KLHL35: variants seen among roughly 807,000 people sequenced by gnomAD.
KLHL35 encodes kelch like family member 35.
Under a neutral mutation model 44.0 loss-of-function variants are expected in KLHL35, and 50 were observed. The ratio of observed to expected loss-of-function variants is 1.14; its 90% confidence interval spans 0.91 to 1.44. KLHL35 has a LOEUF of 1.44. KLHL35 is among the 40% of genes most tolerant of loss of function. The pLI is 0.00. For synonymous variants in KLHL35, 470 were observed against 410.4 expected (o/e 1.15, Z -1.76); for missense variants, 1,049 against 887.8 (o/e 1.18, Z -2.31).
intron 6 of KLHL35, chr11:75,423,450 T>TG (rs1948466754): frequency 4.0e-6 from 2 of 504,820 alleles, no homozygotes; most frequent in African/African-American, 1.9e-5. Flanking sequence ...CTATAGCACT[T>TG]GGGACTGCAG....
intron 4 of KLHL35, chr11:75,426,191 G>A (rs941089301): frequency 1.2e-5 from 2 of 164,048 alleles, no homozygotes; most frequent in Non-Finnish European, 1.4e-5. Context: ...TCCTGACCTC[G>A]TGATCCGCCC....
chr11:75,431,004 G>A (rs958578974), intron 1 of KLHL35, among the ~76,000 whole-genome samples: 3 of 152,192 alleles, frequency 2.0e-5, no homozygotes, highest in African/African-American at 7.2e-5. Context: ...TGTGTCCCAG[G>A]ATACTAACAG....
At position 75,430,355 on chromosome 11, in the gene KLHL35, G is replaced by A. The variant is rs941709164; in HGVS notation, c.275C>T (p.Pro92Leu). The A allele has an allele frequency of 4.5e-6, 6 of 1,322,726 alleles. No homozygotes were observed. In the African/African-American group the frequency reaches 7.8e-5, roughly 17 times the overall value. 81.9% of individuals were successfully genotyped at this position (1,322,726 alleles called of 1,614,324 possible). ...CGCCGCCCCGGCCGGGCTCGTGCCT[G>A]GCGCCTCGGGAGCTACTGGCACCAC... ...VPVVPVAPEA[P>L]GTSPAGAAAA... Residue 92 changes from proline to leucine, a missense_variant, in exon 2 of 7, where the codon CCA becomes CTA. Transcript: ENST00000539798.
intron 1 of KLHL35, 114 bp from the exon 2 acceptor site, chr11:75,430,744 C>T: frequency 6.4e-6 from 6 of 939,624 alleles, no homozygotes; most frequent in African/African-American, 1.7e-5. Flanking sequence ...GCGACTCTCC[C>T]CTCCGTTCAG....
intron 6 of KLHL35, chr11:75,423,293 C>T (rs1179225518): frequency 5.0e-6 from 1 of 199,588 alleles, no homozygotes; most frequent in East Asian, 1.2e-4. Context: ...GCCAGAGCTT[C>T]CAGGACTTGG....
Position 75,422,458 on chromosome 11 carries a change from T to C in KLHL35, c.*122A>G, listed in dbSNP as rs1948455810. 2.4e-6 allele frequency: 2 copies of C among 850,944 alleles called. No homozygotes were observed. 52.7% of individuals were successfully genotyped at this position (850,944 alleles called of 1,614,324 possible). A position where few individuals can be genotyped will look rare whatever the true frequency, so the allele number is the denominator to read the frequency against. ...AACACAGACCCAACAAGATTTTATT[T>C]ATACAAGAAAAGGGACCATTAAGTT... is the stretch of plus-strand genomic sequence containing the variant. On this transcript the variant is annotated 3_prime_UTR_variant, in exon 7 of 7. Transcript: ENST00000539798.
intron 5 of KLHL35, among the ~76,000 whole-genome samples, chr11:75,425,127 A>G (rs968584940): frequency 1.3e-5 from 2 of 152,108 alleles, no homozygotes; most frequent in East Asian, 3.9e-4. Flanking sequence ...CATTTTAACT[A>G]TCTTGCCCTC....
In KLHL35 at chr11:75,430,385, A is replaced by C; in HGVS notation, c.245T>G (p.Val82Gly). Residue 82 changes from valine (V) to glycine (G), a missense_variant, in exon 2 of 7, where the codon GTG (valine) becomes GGG (glycine). Coordinates refer to ENST00000539798, the MANE Select transcript of KLHL35 (RefSeq NM_001039548.3). ...AGRPERGPAV[V>G]PVVPVAPEAP... is the part of the protein sequence containing the mutation. Reference sequence around the variant, plus strand: ...CTCGGGAGCTACTGGCACCACTGGCACCACGGCCGGGCCGCGCTCGGGCCG... The same window carrying C: ...CTCGGGAGCTACTGGCACCACTGGCCCCACGGCCGGGCCGCGCTCGGGCCG... 7.3e-7 allele frequency: 1 copy of C among 1,365,402 alleles called. No homozygotes were observed. 84.6% of individuals were successfully genotyped at this position (1,365,402 alleles called of 1,614,324 possible).
At chr11:75,430,886 G>C (rs1948532709) in intron 1 of KLHL35, among the ~76,000 whole-genome samples, 1 of 152,202 alleles carries the variant, frequency 6.6e-6, no homozygotes, top group Non-Finnish European at 1.5e-5. Context: ...ATCGATATCT[G>C]CAGGTAACAG....
intron 6 of KLHL35, 73 bp from the exon 7 acceptor site, chr11:75,422,841 G>A (rs12276791): frequency 2.1e-6 from 3 of 1,409,896 alleles, no homozygotes; most frequent in Middle Eastern, 1.8e-4. Flanking sequence ...GGCCAGGCCA[G>A]ATAATAGAAC....
rs751848918 is a variant in KLHL35, at chr11:75,422,774, T to A, written c.1564-6A>T. 2.5e-6 allele frequency: 4 copies of A among 1,607,012 alleles called. No individual in the cohort carries two copies. In the East Asian group the frequency reaches 9.0e-5, roughly 36 times the overall value. The stretch of plus-strand genomic sequence containing the variant: ...ACAGTGACTCCACAGCTTTCCTGGG[T>A]GGACAAACAGAAAGACAACTATCAG... On this transcript the variant is annotated splice_region_variant and splice_polypyrimidine_tract_variant and intron_variant, in intron 6 of 6. Transcript: ENST00000539798.
chr11:75,425,648 C>T (rs1005460665), intron 4 of KLHL35, 67 bp from the exon 5 acceptor site: 185 of 1,280,470 alleles, frequency 1.4e-4, no homozygotes, highest in Non-Finnish European at 1.8e-4. Context: ...CTCATCGCTT[C>T]AGTCCTTACA....
chr11:75,430,987 G>A (rs1218549775), intron 1 of KLHL35, among the ~76,000 whole-genome samples: 2 of 152,226 alleles, frequency 1.3e-5, no homozygotes, highest in Non-Finnish European at 2.9e-5. Flanking sequence ...TCCAGTAGGA[G>A]TAGGGCTGTG....
rs779367693 is a variant in KLHL35 at position 75,422,569 on chromosome 11, C to G, written c.*11G>C. ...CTCTCCGCCTCCTGGCTCAGGCTGT[C>G]CAAATCTGAATCACCTGCCCAAGCT... On this transcript the variant is annotated 3_prime_UTR_variant, in exon 7 of 7. Coordinates refer to ENST00000539798, the MANE Select transcript of KLHL35 (RefSeq NM_001039548.3). The G allele has an allele frequency of 6.2e-7, 1 of 1,608,616 alleles. No individual in the cohort carries two copies. Among genetic ancestry groups the G allele is most frequent in the Admixed American group, 1.7e-5 (1 of 59,960 alleles).
rs1948518996 is a variant in KLHL35, at chr11:75,429,850, C to G, written c.780G>C (p.Glu260Asp). ...GGCACTCGCCGCAGGCCTGCAGCAG[C>G]TCGTCCGCCTCCACCTTCTCCAGGA... ...AYFLEKVEAD[E>D]LLQACGECRP... Residue 260 changes from glutamate to aspartate, a missense_variant, in exon 2 of 7, where the codon GAG becomes GAC. Transcript: ENST00000539798. 2.0e-6 allele frequency: 3 copies of G among 1,514,758 alleles called. No individual in the cohort carries two copies. The highest frequency in any genetic ancestry group is 2.6e-6 in the Non-Finnish European group (3 of 1,140,322). 93.8% of individuals were successfully genotyped at this position (1,514,758 alleles called of 1,614,324 possible).
chr11:75,423,009 A>G (rs1425982518), intron 6 of KLHL35: 1 of 530,968 alleles, frequency 1.9e-6, no homozygotes, highest in Non-Finnish European at 3.4e-6. Context: ...GCAAAGGGAG[A>G]AGAACTAAAG....
At position 75,429,730 on chromosome 11, in the gene KLHL35, T is replaced by TA; in HGVS notation, c.881+18dup. ...GCGGGAAGAACGGAGGGCGGGAAGC[T>TA]AGGGGATGGCGGCCCTACCTCCGCG... On this transcript the variant is annotated intron_variant, in intron 2 of 6. Transcript: ENST00000539798. 2.9e-5 allele frequency: 42 copies of TA among 1,439,192 alleles called. No individual in the cohort carries two copies. The highest frequency in any genetic ancestry group is 3.8e-5 in the Non-Finnish European group (42 of 1,103,090). The allele number at this position is 1,439,192 out of a possible 1,614,324, so 89.2% of individuals were successfully genotyped here.
At chr11:75,424,297 C>CTG (rs1487246516) in intron 5 of KLHL35, 1 of 177,460 alleles carries the variant, frequency 5.6e-6, no homozygotes, top group Admixed American at 5.4e-5. Context: ...GGGAGAGGTA[C>CTG]TGTCTGCTTT....
At position 75,425,422 on chromosome 11, in the gene KLHL35, C is replaced by A; in HGVS notation, c.1345G>T (p.Ala449Ser). ...CAGKLFVIGG[A>S]RQGGVNTDKV... The stretch of plus-strand genomic sequence containing the variant: ...TCCGTGTTGACGCCGCCCTGCCTGG[C>A]GCCCCCAATCACGAAGAGCTTGCCC... The change falls in exon 5 of 7, where the codon GCC becomes TCC. Residue 449 changes from alanine (A) to serine (S), a missense_variant. Physicochemically the swap from Ala to Ser is moderately conservative, Grantham distance 99. Coordinates refer to ENST00000539798, the MANE Select transcript of KLHL35 (RefSeq NM_001039548.3). 1 of 1,564,480 alleles carries A rather than the reference C, an allele frequency of 6.4e-7. No individual in the cohort carries two copies. The highest frequency in any genetic ancestry group is 1.8e-5 in the Admixed American group (1 of 54,870).
Sources: gnomAD v4.1 joint callset for allele counts (sites outside exome capture counted in the v4.1 genomes callset) on GRCh38, gnomAD v4.1.1 for gene constraint, MANE v1.5 for transcripts, NCBI Gene and HGNC (gene_info 2026-07-23, HGNC 2026-07-21) for gene names.